Variants in SCMH1 observed in about 807,000 individuals in gnomAD.
SCMH1 encodes Scm polycomb group protein homolog 1.
Under a neutral mutation model 70.8 loss-of-function variants are expected in SCMH1, and 37 were observed. The observed-to-expected ratio is 0.52, with a 90% confidence interval of 0.40 to 0.69. The LOEUF (loss-of-function observed/expected upper bound fraction) is 0.69, where lower values mean the gene tolerates loss of function less well. Ranked by LOEUF, SCMH1 falls within the 30% of genes least tolerant of loss-of-function variation. The pLI is 0.00. For synonymous variants in SCMH1, 292 were observed against 307.4 expected (o/e 0.95, Z 0.52); for missense variants, 607 against 827.3 (o/e 0.73, Z 3.27).
intron 10 of SCMH1, among the ~76,000 whole-genome samples, chr1:41,050,842 G>A (rs886151885): frequency 1.3e-5 from 2 of 152,142 alleles, no homozygotes; most frequent in African/African-American, 4.8e-5. Flanking sequence ...GGTGCCTCTG[G>A]AGGTGAGTGT....
intron 1 of SCMH1, among the ~76,000 whole-genome samples, chr1:41,193,283 A>G (rs1363400871): frequency 6.6e-6 from 1 of 152,232 alleles, no homozygotes; most frequent in Non-Finnish European, 1.5e-5. Flanking sequence ...TGTAGCTCTT[A>G]TTTTATTCAT....
rs151333103 is a variant in SCMH1, at chr1:41,102,546, G to A, written c.745+10737C>T. On this transcript the variant is annotated intron_variant, in intron 8 of 14. Coordinates refer to ENST00000337495, the Ensembl canonical transcript of SCMH1. ...GACTCATTCCTACAACATGGATAGA[G>A]GACCTCTGCAACTACAAAGACATGT... Among the ~76,000 whole-genome samples, 175 of 152,298 alleles carry A rather than the reference G, an allele frequency of 1.1e-3. 1 individual carries two copies. Among genetic ancestry groups the A allele is most frequent in the African/African-American group, 3.8e-3 (158 of 41,564 alleles).
At chr1:41,140,847 A>C (rs185314140) in intron 6 of SCMH1, among the ~76,000 whole-genome samples, 1 of 152,318 alleles carries the variant, frequency 6.6e-6, no homozygotes, top group Non-Finnish European at 1.5e-5. Context: ...AGTATATAAA[A>C]GAGTCAGGAG....
chr1:41,163,743 A>C (rs560901609), intron 2 of SCMH1, among the ~76,000 whole-genome samples: 1 of 152,254 alleles, frequency 6.6e-6, no homozygotes, highest in African/African-American at 2.4e-5. Context: ...TGAGGAAATA[A>C]ATTTCTGTTG....
chr1:41,201,721 C>T (rs891464715), intron 1 of SCMH1, among the ~76,000 whole-genome samples: 3 of 151,976 alleles, frequency 2.0e-5, no homozygotes, highest in Admixed American at 6.6e-5. Flanking sequence ...TCTTCTCTAG[C>T]GAAGTGACTT....
exon 4 of SCMH1, chr1:41,160,893 C>G (rs1299314171): frequency 1.3e-5 from 20 of 1,550,046 alleles, no homozygotes; most frequent in Non-Finnish European, 1.6e-5. Flanking sequence ...AGGATGTCAG[C>G]AGCTTCTAGT....
At chr1:41,202,628 C>T (rs1654621871) in intron 1 of SCMH1, among the ~76,000 whole-genome samples, 1 of 152,010 alleles carries the variant, frequency 6.6e-6, no homozygotes. Flanking sequence ...ACTTTTTGCA[C>T]CCAGACACTC....
At chr1:41,143,500 A>G (rs1049590236) in intron 5 of SCMH1, among the ~76,000 whole-genome samples, 1 of 152,154 alleles carries the variant, frequency 6.6e-6, no homozygotes, top group African/African-American at 2.4e-5. Context: ...GGAATATTTC[A>G]GTATATTGGT....
intron 1 of SCMH1, among the ~76,000 whole-genome samples, chr1:41,203,171 C>T (rs188508170): frequency 3.3e-5 from 5 of 152,102 alleles, no homozygotes; most frequent in Admixed American, 2.0e-4. Flanking sequence ...TACATTTACA[C>T]TTATAGCTTA....
At chr1:41,032,693 C>G (rs111677823) in intron 13 of SCMH1, among the ~76,000 whole-genome samples, 2 of 151,968 alleles carry the variant, frequency 1.3e-5, no homozygotes, top group Admixed American at 6.6e-5. Context: ...AAGAAGGAGG[C>G]TACTGGCCAG....
chr1:41,086,649 A>T (rs958615547), intron 8 of SCMH1, among the ~76,000 whole-genome samples: 3 of 152,106 alleles, frequency 2.0e-5, no homozygotes, highest in Non-Finnish European at 4.4e-5. Flanking sequence ...TCACACTGGT[A>T]GTCCCAGCTA....
intron 10 of SCMH1, among the ~76,000 whole-genome samples, chr1:41,059,670 T>G (rs2148796097): frequency 6.6e-6 from 1 of 152,380 alleles, no homozygotes; most frequent in East Asian, 1.9e-4. Context: ...TTAAGCCATC[T>G]GTAGATGGCA....
At chr1:41,046,530 A>T (rs1468217693) in exon 12 of SCMH1, 1 of 1,614,082 alleles carries the variant, frequency 6.2e-7, no homozygotes, top group Non-Finnish European at 8.5e-7. Flanking sequence ...TTCTCCAGGA[A>T]GCGGAGGACG....
At chr1:41,161,171 C>A (rs1218779282) in intron 3 of SCMH1, among the ~76,000 whole-genome samples, 193 bp downstream of exon 3, 1 of 152,238 alleles carries the variant, frequency 6.6e-6, no homozygotes, top group Non-Finnish European at 1.5e-5. Flanking sequence ...TACCTATACT[C>A]AGAATCTAGG....
rs149826325 is a variant in SCMH1 at position 41,050,167 on chromosome 1, C to T, written c.1106-1277G>A. Among the ~76,000 whole-genome samples, 321 of 152,260 alleles carry T rather than the reference C, an allele frequency of 2.1e-3. 1 individual carries two copies. The highest frequency in any genetic ancestry group is 3.8e-3 in the Non-Finnish European group (260 of 68,024). On this transcript the variant is annotated intron_variant, in intron 10 of 14. Coordinates refer to ENST00000337495, the Ensembl canonical transcript of SCMH1. ...AAGGGGTGCAGTGGGCACAGGAGAC[C>T]GAGGCAGTCCTAACAGAGTTGTCTC...
chr1:41,180,735 G>A (rs1189569007), intron 2 of SCMH1, among the ~76,000 whole-genome samples: 2 of 152,114 alleles, frequency 1.3e-5, no homozygotes, highest in East Asian at 1.9e-4. Context: ...ATGCTCATGG[G>A]TAGGAAGAAT....
intron 1 of SCMH1, among the ~76,000 whole-genome samples, chr1:41,205,518 C>G (rs1165469438): frequency 6.6e-6 from 1 of 152,130 alleles, no homozygotes; most frequent in Non-Finnish European, 1.5e-5. Context: ...TGATTTCCCA[C>G]TGCATCCTCG....
intron 10 of SCMH1, among the ~76,000 whole-genome samples, chr1:41,066,379 C>T (rs1482006400): frequency 6.6e-6 from 1 of 152,166 alleles, no homozygotes; most frequent in Non-Finnish European, 1.5e-5. Flanking sequence ...CTTGCTGTTT[C>T]CTAGCCAATC....
exon 15 of SCMH1, chr1:41,028,251 C>A (rs772556121): frequency 1.9e-5 from 30 of 1,614,038 alleles, no homozygotes; most frequent in Non-Finnish European, 2.5e-5. Context: ...GTGCAGGCCC[C>A]AGCTTCAGGC....
Sources: gnomAD v4.1 joint callset for allele counts (sites outside exome capture counted in the v4.1 genomes callset) on GRCh38, gnomAD v4.1.1 for gene constraint, MANE v1.5 for transcripts, NCBI Gene and HGNC (gene_info 2026-07-23, HGNC 2026-07-21) for gene names.